PTGER4: variants seen among roughly 807,000 people sequenced by gnomAD.
PTGER4 encodes prostaglandin E2 receptor EP4 subtype.
Under a neutral mutation model 33.2 loss-of-function variants are expected in PTGER4, and 11 were observed. That is an observed-to-expected ratio of 0.33 (90% CI 0.21 to 0.55). PTGER4 has a LOEUF of 0.55. Ranked by LOEUF, PTGER4 falls within the 20% of genes least tolerant of loss-of-function variation. The pLI, the probability that PTGER4 is intolerant of heterozygous loss-of-function variation, is 0.92. For missense variants in PTGER4, 481 were observed against 650.2 expected (o/e 0.74, Z 2.83); for synonymous variants, 275 against 281.5 (o/e 0.98, Z 0.23).
the PTGER4 span, among the ~76,000 whole-genome samples, chr5:40,710,209 A>G: frequency 9.9e-5 from 15 of 152,098 alleles, no homozygotes; most frequent in Non-Finnish European, 2.1e-4. Flanking sequence ...GAATCTACAA[A>G]GAACTCAAAC....
the PTGER4 span, among the ~76,000 whole-genome samples, chr5:40,736,903 C>T: frequency 6.6e-6 from 1 of 152,154 alleles, no homozygotes; most frequent in Non-Finnish European, 1.5e-5. Flanking sequence ...TATACCATCT[C>T]TATTAAGCAC....
At chr5:40,726,312 T>C in the PTGER4 span, among the ~76,000 whole-genome samples, 3 of 151,892 alleles carry the variant, frequency 2.0e-5, no homozygotes, top group African/African-American at 4.8e-5. Flanking sequence ...ACTACTGACT[T>C]TTAATTTACT....
chr5:40,722,664 G>A, the PTGER4 span, among the ~76,000 whole-genome samples: 1 of 149,260 alleles, frequency 6.7e-6, no homozygotes, highest in Non-Finnish European at 1.5e-5. Context: ...GCGTGTCTCC[G>A]CCCCACAGCC....
At position 40,691,699 on chromosome 5, in the gene PTGER4, T is replaced by C. The variant is rs1741475706; in HGVS notation, c.868-80T>C. 5.3e-6 allele frequency: 8 copies of C among 1,500,022 alleles called. No homozygotes were observed. The highest frequency in any genetic ancestry group is 1.3e-5 in the South Asian group (1 of 74,536). 92.9% of individuals were successfully genotyped at this position (1,500,022 alleles called of 1,614,324 possible). A position where few individuals can be genotyped will look rare whatever the true frequency, so the allele number is the denominator to read the frequency against. Reference sequence around the variant, plus strand: ...CAGAAATGAAGGCAGCTTCCTAATATTGATAAGGTAGACATAGCATTTATA... The same window carrying C: ...CAGAAATGAAGGCAGCTTCCTAATACTGATAAGGTAGACATAGCATTTATA... On this transcript the variant is annotated intron_variant, in intron 2 of 2. Coordinates refer to ENST00000302472, the MANE Select transcript of PTGER4 (RefSeq NM_000958.3). This position sits in a 1 kb window ranked among gnomAD's most constrained non-coding sequence, Gnocchi z 4.2.
chr5:40,691,915 C>G lies in PTGER4; in HGVS notation c.1004C>G (p.Thr335Arg), dbSNP rs374641838. 14 of 1,614,154 alleles carry G rather than the reference C, an allele frequency of 8.7e-6. No homozygotes were observed. In the African/African-American group the frequency reaches 1.3e-4, roughly 15 times the overall value. ...TGGATATATATCCTCCTGAGAAAGA[C>G]AGTGCTCAGTAAAGCAATAGAGAAG... ...DPWIYILLRK[T>R]VLSKAIEKIK... Residue 335 changes from threonine (T) to arginine (R), a missense_variant, in exon 3 of 3, where the codon ACA (threonine) becomes AGA (arginine). Physicochemically the swap from Thr to Arg is moderately conservative, Grantham distance 71. Coordinates refer to ENST00000302472, the MANE Select transcript of PTGER4 (RefSeq NM_000958.3). This position sits in a 1 kb window ranked among gnomAD's most constrained non-coding sequence, Gnocchi z 4.2.
chr5:40,732,713 A>G, the PTGER4 span, among the ~76,000 whole-genome samples: 2 of 151,940 alleles, frequency 1.3e-5, no homozygotes, highest in Non-Finnish European at 2.9e-5. Flanking sequence ...GGTTCAAGCG[A>G]TTCTCCTGCC....
Position 40,693,446 on chromosome 5 carries a change from A to T in PTGER4, c.*1068A>T, listed in dbSNP as rs1440348251. ...AGTTGCATCAGAAAGCTTTATTTTG[A>T]GATGTAAAAAGATTCCCAAACGTGG... On this transcript the variant is annotated 3_prime_UTR_variant, in exon 3 of 3. Coordinates refer to ENST00000302472, the MANE Select transcript of PTGER4 (RefSeq NM_000958.3). The T allele has an allele frequency of 6.1e-6, 6 of 985,972 alleles. No homozygotes were observed. The highest frequency in any genetic ancestry group is 7.2e-6 in the Non-Finnish European group (6 of 829,924). 61.1% of individuals were successfully genotyped at this position (985,972 alleles called of 1,614,324 possible).
At chr5:40,740,574 TG>T in the PTGER4 span, among the ~76,000 whole-genome samples, 2 of 152,136 alleles carry the variant, frequency 1.3e-5, no homozygotes, top group South Asian at 4.1e-4. Flanking sequence ...CCACATTAAC[TG>T]GAAGTAGCAG....
the PTGER4 span, among the ~76,000 whole-genome samples, chr5:40,704,105 C>T: frequency 2.0e-5 from 3 of 151,772 alleles, no homozygotes; most frequent in Admixed American, 6.6e-5. Flanking sequence ...ACCTACAAAC[C>T]AAATCCAGCA....
Position 40,692,612 on chromosome 5 carries a change from C to T in PTGER4, c.*234C>T, listed in dbSNP as rs1741502367. The stretch of plus-strand genomic sequence containing the variant: ...CTATGACAGAGGATTGTGGTCACAA[C>T]TTGATGGCTGCGAAGACCTACCCTC... On this transcript the variant is annotated 3_prime_UTR_variant, in exon 3 of 3. Transcript: ENST00000302472. 3.9e-6 allele frequency: 5 copies of T among 1,271,670 alleles called. No homozygotes were observed. In the South Asian group the frequency reaches 1.2e-4, roughly 30 times the overall value. 78.8% of individuals were successfully genotyped at this position (1,271,670 alleles called of 1,614,324 possible).
chr5:40,698,691 C>T (rs1310791057), downstream of PTGER4, among the ~76,000 whole-genome samples: 2 of 152,098 alleles, frequency 1.3e-5, no homozygotes, highest in African/African-American at 4.8e-5. Flanking sequence ...TATGATACGA[C>T]AAAACAAAAC....
chr5:40,681,716 C>A lies in PTGER4; in HGVS notation c.723C>A (p.His241Gln). The change falls in exon 2 of 3, where the codon CAC becomes CAA. Residue 241 changes from histidine to glutamine, a missense_variant. Around this residue, in one of 7 missense-constraint regions of PTGER4, gnomAD observed 174 missense variants for 210.5 expected, o/e 0.83. Transcript: ENST00000302472. This position sits in a 1 kb window ranked among gnomAD's most constrained non-coding sequence, Gnocchi z 9.8. ...AAAASVASRG[H>Q]PAASPALPRL... is the part of the protein sequence containing the mutation. Reference sequence around the variant, plus strand: ...CCGCCTCGGTTGCCTCCCGGGGCCACCCCGCTGCCTCCCCAGCCTTGCCGC... The same window carrying A: ...CCGCCTCGGTTGCCTCCCGGGGCCAACCCGCTGCCTCCCCAGCCTTGCCGC... 1 of 1,591,806 alleles carries A rather than the reference C, an allele frequency of 6.3e-7. No homozygotes were observed. The highest frequency in any genetic ancestry group is 8.5e-7 in the Non-Finnish European group (1 of 1,173,456).
chr5:40,743,837 C>T, the PTGER4 span, among the ~76,000 whole-genome samples: 49 of 152,150 alleles, frequency 3.2e-4, no homozygotes, highest in Non-Finnish European at 6.5e-4. Context: ...AAAATAAATG[C>T]TAAAGAGCAA....
the PTGER4 span, among the ~76,000 whole-genome samples, chr5:40,738,435 TATAAAATAAA>T: frequency 6.0e-5 from 5 of 83,768 alleles, no homozygotes; most frequent in South Asian, 4.5e-4. Context: ...TAAAATAAAA[TATAAAATAAA>T]ATACAATACA....
the PTGER4 span, among the ~76,000 whole-genome samples, chr5:40,699,261 A>C: frequency 6.6e-6 from 1 of 152,134 alleles, no homozygotes; most frequent in Non-Finnish European, 1.5e-5. Flanking sequence ...AATAGATTCA[A>C]TTAATGGACT....
chr5:40,705,418 A>C, the PTGER4 span, among the ~76,000 whole-genome samples: 1 of 152,226 alleles, frequency 6.6e-6, no homozygotes, highest in Admixed American at 6.5e-5. Context: ...GGAATGGGCA[A>C]AGATTTCATG....
At chr5:40,688,868 T>C (rs1006531011) in intron 2 of PTGER4, among the ~76,000 whole-genome samples, 2 of 152,238 alleles carry the variant, frequency 1.3e-5, no homozygotes, top group Non-Finnish European at 1.5e-5. Flanking sequence ...TTCATTCTAG[T>C]TCATTCTTGA....
the PTGER4 span, among the ~76,000 whole-genome samples, chr5:40,727,557 T>C: frequency 1.3e-5 from 2 of 152,214 alleles, no homozygotes; most frequent in African/African-American, 2.4e-5. Context: ...CTACTCTTCC[T>C]CTTTATCCCC....
the PTGER4 span, among the ~76,000 whole-genome samples, chr5:40,732,043 A>T: frequency 2.0e-4 from 30 of 152,252 alleles, no homozygotes; most frequent in African/African-American, 6.5e-4. Flanking sequence ...AATTATTTTG[A>T]GAGACAGAGT....
Sources: allele counts gnomAD v4.1 joint callset (sites outside exome capture counted in the v4.1 genomes callset), GRCh38; gene constraint gnomAD v4.1.1; regional missense constraint gnomAD v4.1.1; non-coding constraint Gnocchi (gnomAD v3.1); transcripts MANE v1.5; gene names NCBI Gene and HGNC (gene_info 2026-07-23, HGNC 2026-07-21).